Variants in ZNF276 observed in about 807,000 individuals in gnomAD.
ZNF276 encodes centromere protein Z.
ZNF276 carries 59 observed loss-of-function variants against 63.9 expected under a neutral mutation model. The ratio of observed to expected loss-of-function variants is 0.92; its 90% CI spans 0.75 to 1.15. The LOEUF is 1.15. ZNF276 is among the 50% of genes most tolerant of loss of function. The pLI is 0.00. For synonymous variants in ZNF276, 496 were observed against 348.4 expected, an observed-to-expected ratio of 1.42 and a Z score of -4.72; for missense variants, 1,084 against 843.8, an observed-to-expected ratio of 1.28 and a Z score of -3.53.
At chr16:89,736,344 T>TC (rs1488954640) in intron 9 of ZNF276, among the ~76,000 whole-genome samples, 3 of 148,152 alleles carry the variant, frequency 2.0e-5, no homozygotes, top group Non-Finnish European at 3.0e-5. Flanking sequence ...TTTTTTTTTT[T>TC]TTCCGGGACA....
chr16:89,740,152 G>C lies in ZNF276; in HGVS notation c.*1906G>C. ...GAATGGCCGACCTGGTGCTCCCATG[G>C]GTAGGAGGGTACAGCCCTCAGCACA... is the stretch of plus-strand genomic sequence containing the variant. On this transcript the variant is annotated 3_prime_UTR_variant, in exon 11 of 11. Transcript: ENST00000443381. 1 of 1,400,920 alleles carries C rather than the reference G, an allele frequency of 7.1e-7. No homozygotes were observed. The highest frequency in any genetic ancestry group is 1.0e-6 in the Non-Finnish European group (1 of 986,812). The allele number at this position is 1,400,920 out of a possible 1,614,324, so 86.8% of individuals were successfully genotyped here.
At chr16:89,720,617 C>G (rs1291765987), upstream of ZNF276, 10 of 1,225,044 alleles carry the variant, frequency 8.2e-6, no homozygotes, top group African/African-American at 1.6e-5. Flanking sequence ...CGCCCCCGTC[C>G]TCGCCCGGGA....
At position 89,722,622 on chromosome 16, in the gene ZNF276, T is replaced by G. The variant is rs774933195; in HGVS notation, c.297T>G (p.Pro99=). ...TGCGCAGCATCTCCGAGAGGGCGCCTGGAGCGAGCATGGAGAGGCCATCCG... is the reference window on the plus strand; with the variant it reads ...TGCGCAGCATCTCCGAGAGGGCGCCGGGAGCGAGCATGGAGAGGCCATCCG... ...RSLRSISERA[P]GASMERPSAE... is the part of the protein sequence containing the mutation. Residue 99 remains proline, a synonymous_variant, in exon 2 of 11, where the codon CCT becomes CCG. Coordinates refer to ENST00000443381, the MANE Select transcript of ZNF276 (RefSeq NM_001113525.2). The G allele has an allele frequency of 2.5e-6, 4 of 1,612,042 alleles. No homozygotes were observed. Among genetic ancestry groups the G allele is most frequent in the Admixed American group, 1.7e-5 (1 of 60,026 alleles).
At position 89,722,910 on chromosome 16, in the gene ZNF276, C is replaced by T. The variant is rs2061345630; in HGVS notation, c.509+76C>T. ...GACGGGTGTTGAGAGAGGGACAGGG[C>T]GTGCCTCCGCGGGAGCCTCTGGGTG... is the stretch of plus-strand genomic sequence containing the variant. On this transcript the variant is annotated intron_variant, in intron 2 of 10. Coordinates refer to ENST00000443381, the MANE Select transcript of ZNF276 (RefSeq NM_001113525.2). 4.5e-6 allele frequency: 7 copies of T among 1,559,184 alleles called. No individual in the cohort carries two copies. In the South Asian group the frequency reaches 7.2e-5, roughly 16 times the overall value.
intron 4 of ZNF276, 97 bp downstream of exon 4, chr16:89,723,806 G>T: frequency 7.8e-7 from 1 of 1,289,692 alleles, no homozygotes; most frequent in Non-Finnish European, 1.0e-6. Context: ...GCTCTAGGTG[G>T]TGGCTGGGGT....
At chr16:89,730,127 T>C (rs1003888338) in intron 6 of ZNF276, among the ~76,000 whole-genome samples, 4 of 152,082 alleles carry the variant, frequency 2.6e-5, no homozygotes, top group African/African-American at 9.7e-5. Context: ...GCTGTTAAGT[T>C]CTGAAAAGAG....
chr16:89,737,605 G>T (rs2061979798), intron 9 of ZNF276: 2 of 992,368 alleles, frequency 2.0e-6, no homozygotes, highest in Admixed American at 6.0e-5. Context: ...GCACACAGCT[G>T]ATGAAGCCAC....
intron 2 of ZNF276, 134 bp downstream of exon 2, chr16:89,722,968 A>G (rs1051843081): frequency 6.4e-6 from 10 of 1,560,906 alleles, no homozygotes; most frequent in Admixed American, 1.8e-5. Flanking sequence ...TTCAGTGCCA[A>G]CAGCCCTGGG....
intron 6 of ZNF276, chr16:89,731,821 C>T (rs1290705944): frequency 6.6e-6 from 1 of 152,228 alleles, no homozygotes; most frequent in Non-Finnish European, 1.5e-5. Flanking sequence ...TGCCCTGCAA[C>T]TTTGCTGAAA....
chr16:89,720,536 G>A, upstream of ZNF276: 1 of 1,166,750 alleles, frequency 8.6e-7, no homozygotes, highest in Non-Finnish European at 1.1e-6. Flanking sequence ...CACCGGCTCA[G>A]CGAGCGGAGT....
At chr16:89,737,412 T>C (rs1319824266) in intron 9 of ZNF276, 1 of 239,120 alleles carries the variant, frequency 4.2e-6, no homozygotes, top group African/African-American at 2.3e-5. Flanking sequence ...TCCCAGCTAC[T>C]TGGCAGGCTG....
intron 4 of ZNF276, 89 bp from the exon 5 acceptor site, chr16:89,727,190 A>T: frequency 7.5e-7 from 1 of 1,332,070 alleles, no homozygotes; most frequent in Non-Finnish European, 1.1e-6. Flanking sequence ...TCTCCCTTCT[A>T]GTCATCAATA....
intron 6 of ZNF276, among the ~76,000 whole-genome samples, chr16:89,731,059 G>C (rs1052791123): frequency 6.6e-6 from 1 of 152,260 alleles, no homozygotes; most frequent in African/African-American, 2.4e-5. Context: ...GACTGCGGGT[G>C]CTCTGAAGCC....
In ZNF276 at chr16:89,738,644, G is replaced by C. The variant is rs144171225; in HGVS notation, c.*398G>C. On this transcript the variant is annotated 3_prime_UTR_variant, in exon 11 of 11. Coordinates refer to ENST00000443381, the MANE Select transcript of ZNF276 (RefSeq NM_001113525.2). ...CTGGGACAGGTCAGCGTCAGGGGCA[G>C]CCTGCTGTCTGCTCTGGAGGGCGGC... 9.3e-6 allele frequency: 15 copies of C among 1,613,698 alleles called. No individual in the cohort carries two copies. The African/African-American group carries it at 1.7e-4, about 19-fold the overall frequency.
rs577194734 is a variant in ZNF276, at chr16:89,738,974, C to A, written c.*728C>A. Reference sequence around the variant, plus strand: ...TTTGTTATCAGTTCCACGGGGTTGCCCTAGAGAGAAAACAGGCAAACTCAC... The same window carrying A: ...TTTGTTATCAGTTCCACGGGGTTGCACTAGAGAGAAAACAGGCAAACTCAC... On this transcript the variant is annotated 3_prime_UTR_variant, in exon 11 of 11. Transcript: ENST00000443381. 1 of 1,614,230 alleles carries A rather than the reference C, an allele frequency of 6.2e-7. No individual in the cohort carries two copies. The highest frequency in any genetic ancestry group is 1.1e-5 in the South Asian group (1 of 91,082).
At chr16:89,731,238 ACAG>A (rs1472562172) in intron 6 of ZNF276, among the ~76,000 whole-genome samples, 1 of 152,220 alleles carries the variant, frequency 6.6e-6, no homozygotes, top group African/African-American at 2.4e-5. Context: ...TGCGAAGTCA[ACAG>A]TTCTTCTCAG....
chr16:89,724,051 G>A (rs1467307134), intron 4 of ZNF276, among the ~76,000 whole-genome samples: 1 of 152,260 alleles, frequency 6.6e-6, no homozygotes, highest in East Asian at 1.9e-4. Context: ...GTGGATGTGG[G>A]AGAAAAGAAT....
At position 89,733,516 on chromosome 16, in the gene ZNF276, C is replaced by T. The variant is rs1264086845; in HGVS notation, c.1315C>T (p.Gln439Ter). 6 of 1,614,156 alleles carry T rather than the reference C, an allele frequency of 3.7e-6. No individual in the cohort carries two copies. The highest frequency in any genetic ancestry group is 1.3e-5 in the African/African-American group (1 of 75,050). Residue 439 changes from glutamine to a stop codon, truncating the protein, a stop_gained, in exon 8 of 11, where the codon CAG becomes TAG. Transcript: ENST00000443381. LOFTEE classifies it high-confidence loss of function. ...TCCCACCATCTACAAGTGTCCTTAC[C>T]AGGGCTGCACGGCCGTGTACCGAGG... ...ELPTIYKCPYQGCTAVYRGAD... is the reference protein window; with the variant it reads ...ELPTIYKCPY
At chr16:89,721,446 C>G (rs1428026166), upstream of ZNF276, 2 of 475,210 alleles carry the variant, frequency 4.2e-6, no homozygotes, top group Non-Finnish European at 7.1e-6. Flanking sequence ...GGCGCTGGCA[C>G]CGCGGGTGGA....
Sources: gnomAD v4.1 joint callset for allele counts (sites outside exome capture counted in the v4.1 genomes callset) on GRCh38, gnomAD v4.1.1 for gene constraint, MANE v1.5 for transcripts, NCBI Gene and HGNC (gene_info 2026-07-23, HGNC 2026-07-21) for gene names.